The following COL23A1 variants were observed in gnomAD, a reference collection of about 807,000 sequenced individuals.
COL23A1 encodes the protein collagen type XXIII alpha 1 chain.
A neutral mutation model predicts 99.3 loss-of-function variants in COL23A1; 97 were observed. The ratio of observed to expected loss-of-function variants is 0.98; its 90% CI spans 0.83 to 1.16. The LOEUF is 1.16. Ranked by LOEUF, COL23A1 falls within the 50% of genes most tolerant of loss-of-function variation. COL23A1 has a pLI of 0.00. For synonymous variants in COL23A1, 320 were observed against 308.2 expected, an observed-to-expected ratio of 1.04 and a Z score of -0.40; for missense variants, 762 against 757.4, an observed-to-expected ratio of 1.01 and a Z score of -0.07.
At chr5:178,433,240 C>A (rs1403311058) in intron 2 of COL23A1, among the ~76,000 whole-genome samples, 2 of 151,922 alleles carry the variant, frequency 1.3e-5, no homozygotes, top group African/African-American at 4.8e-5. Context: ...GGGGCTCCCA[C>A]GACCGCCTCC....
chr5:178,241,019 T>C (rs1764366342), intron 27 of COL23A1, among the ~76,000 whole-genome samples: 1 of 152,082 alleles, frequency 6.6e-6, no homozygotes, highest in Non-Finnish European at 1.5e-5. Context: ...GGTGGGACAA[T>C]CGCTTGAGCC....
Position 178,544,488 on chromosome 5 carries a change from C to T in COL23A1, c.361+16194G>A, listed in dbSNP as rs540258316. On this transcript the variant is annotated intron_variant, in intron 2 of 28. Coordinates refer to ENST00000390654, the MANE Select transcript of COL23A1 (RefSeq NM_173465.4). The surrounding 1 kb of genome is among the most constrained non-coding windows in gnomAD (Gnocchi z 4.4). Reference sequence around the variant, plus strand: ...CCTCAGATGGGGTCCCCTGTTCTCTCCACCTGCCCCAGAAAACAGCAAGAC... The same window carrying T: ...CCTCAGATGGGGTCCCCTGTTCTCTTCACCTGCCCCAGAAAACAGCAAGAC... Among the ~76,000 whole-genome samples the T allele has an allele frequency of 3.5e-4, 54 of 152,304 alleles. No individual in the cohort carries two copies. The South Asian group carries it at 6.8e-3, about 19-fold the overall frequency.
At chr5:178,382,869 G>C (rs571396936) in intron 2 of COL23A1, among the ~76,000 whole-genome samples, 14 of 152,316 alleles carry the variant, frequency 9.2e-5, no homozygotes, top group African/African-American at 3.1e-4. Flanking sequence ...ACTCGGGGAG[G>C]CCTGGCTCCT....
At chr5:178,283,188 G>T (rs909075435) in intron 5 of COL23A1, among the ~76,000 whole-genome samples, 2 of 152,110 alleles carry the variant, frequency 1.3e-5, no homozygotes, top group Admixed American at 1.3e-4. Context: ...GCCCGGCCGG[G>T]ACAAGTGATT....
At chr5:178,436,025 T>C (rs1475272510) in intron 2 of COL23A1, among the ~76,000 whole-genome samples, 2 of 152,220 alleles carry the variant, frequency 1.3e-5, no homozygotes, top group Admixed American at 6.5e-5. Flanking sequence ...ACAGCAAGCA[T>C]GCTTAATTCT....
chr5:178,574,800 G>A (rs1294072284), intron 1 of COL23A1, among the ~76,000 whole-genome samples: 6 of 152,086 alleles, frequency 3.9e-5, no homozygotes, highest in Non-Finnish European at 8.8e-5. Context: ...TAGCATCTCC[G>A]AGTTGGAGAG....
intron 2 of COL23A1, among the ~76,000 whole-genome samples, chr5:178,373,566 G>A (rs1762914218): frequency 6.6e-6 from 1 of 152,132 alleles, no homozygotes. Context: ...ACAGGCTCCT[G>A]CCATCAGCCC....
At chr5:178,344,592 G>A (rs375395424) in intron 2 of COL23A1, among the ~76,000 whole-genome samples, 6 of 151,876 alleles carry the variant, frequency 4.0e-5, no homozygotes, top group African/African-American at 7.3e-5. Flanking sequence ...GCAGTGAGCC[G>A]ACATCATGTC....
At chr5:178,404,146 C>G (rs193086207) in intron 2 of COL23A1, among the ~76,000 whole-genome samples, 1 of 152,224 alleles carries the variant, frequency 6.6e-6, no homozygotes, top group Non-Finnish European at 1.5e-5. Flanking sequence ...ATTCGCGGAG[C>G]GCCTACTGTG....
rs1352708076 is a variant in COL23A1, at chr5:178,270,699, G to A, written c.442-336C>T. Among the ~76,000 whole-genome samples, 4 of 152,196 alleles carry A rather than the reference G, an allele frequency of 2.6e-5. No homozygotes were observed. In the East Asian group the frequency reaches 5.8e-4, roughly 22 times the overall value. ...CAGCGATGAGCCTGGGATCCAAGGC[G>A]AGCCATGAGCATCTTGCCTGGGACT... On this transcript the variant is annotated intron_variant, in intron 5 of 28. Coordinates refer to ENST00000390654, the MANE Select transcript of COL23A1 (RefSeq NM_173465.4).
At chr5:178,540,465 T>C (rs964060274) in intron 2 of COL23A1, among the ~76,000 whole-genome samples, 12 of 152,308 alleles carry the variant, frequency 7.9e-5, no homozygotes, top group African/African-American at 2.4e-4. Context: ...TAATAAAAGA[T>C]GTGTAAGACC....
chr5:178,430,548 T>G (rs1388863332), intron 2 of COL23A1, among the ~76,000 whole-genome samples: 2 of 152,164 alleles, frequency 1.3e-5, no homozygotes, highest in Non-Finnish European at 2.9e-5. Flanking sequence ...GAAAGATCCA[T>G]GTATGTCCAC....
rs1328569351 is a variant in COL23A1 at position 178,434,664 on chromosome 5, C to G, written c.361+126018G>C. On this transcript the variant is annotated intron_variant, in intron 2 of 28. Transcript: ENST00000390654. This position sits in a 1 kb window ranked among gnomAD's most constrained non-coding sequence, Gnocchi z 4.3. Reference sequence around the variant, plus strand: ...GTGGGGGGCTCTGGCCCTGGTGCTGCTGAGGGAGGGAAGAATCTGACCCTA... The same window carrying G: ...GTGGGGGGCTCTGGCCCTGGTGCTGGTGAGGGAGGGAAGAATCTGACCCTA... Among the ~76,000 whole-genome samples, 1 of 152,196 alleles carries G rather than the reference C, an allele frequency of 6.6e-6. No individual in the cohort carries two copies. The highest frequency in any genetic ancestry group is 2.4e-5 in the African/African-American group (1 of 41,442).
chr5:178,360,231 A>T (rs1405145238), intron 2 of COL23A1, among the ~76,000 whole-genome samples: 1 of 152,220 alleles, frequency 6.6e-6, no homozygotes, highest in African/African-American at 2.4e-5. Context: ...TATCAGACCA[A>T]GTGTAGGGAT....
At chr5:178,532,336 T>A (rs754883424) in intron 2 of COL23A1, among the ~76,000 whole-genome samples, 4 of 152,170 alleles carry the variant, frequency 2.6e-5, no homozygotes, top group Non-Finnish European at 4.4e-5. Context: ...GGGATGGAAG[T>A]GGCCTTTTTA....
chr5:178,498,925 TAA>T (rs36048620), intron 2 of COL23A1, among the ~76,000 whole-genome samples: 104 of 145,022 alleles, frequency 7.2e-4, no homozygotes, highest in Admixed American at 8.9e-4. Flanking sequence ...CCATCTCTTC[TAA>T]AAAAAAAAAA....
At chr5:178,345,018 G>C in intron 2 of COL23A1, 1 of 577,460 alleles carries the variant, frequency 1.7e-6, no homozygotes. Flanking sequence ...TGAAGCTGAG[G>C]ATACTCACCA....
chr5:178,488,071 G>C (rs186157449), intron 2 of COL23A1, among the ~76,000 whole-genome samples: 1 of 152,180 alleles, frequency 6.6e-6, no homozygotes, highest in Admixed American at 6.5e-5. Flanking sequence ...TGAGAATAAT[G>C]CATTAAGCCC....
chr5:178,534,492 G>A (rs780718812), intron 2 of COL23A1, among the ~76,000 whole-genome samples: 4 of 151,088 alleles, frequency 2.6e-5, no homozygotes, highest in East Asian at 3.9e-4. Flanking sequence ...CAGAAATAGC[G>A]CACAGAGGCC....
Sources: gnomAD v4.1 joint callset for allele counts (sites outside exome capture counted in the v4.1 genomes callset) on GRCh38, gnomAD v4.1.1 for gene constraint, Gnocchi (gnomAD v3.1) non-coding constraint, MANE v1.5 for transcripts, NCBI Gene and HGNC (gene_info 2026-07-23, HGNC 2026-07-21) for gene names.